PIEZO2: variants seen among roughly 807,000 people sequenced by gnomAD.
PIEZO2 encodes piezo-type mechanosensitive ion channel component 2.
In PIEZO2, 172 loss-of-function variants were observed where a neutral mutation model predicts 337.3. The ratio of observed to expected loss-of-function variants is 0.51; its 90% confidence interval spans 0.45 to 0.58. PIEZO2 has a LOEUF of 0.58. Among genes scored for constraint, PIEZO2 ranks in the 20% least tolerant of loss-of-function variants. The probability of loss-of-function intolerance (pLI) is 0.00; values close to 1 mark genes in which losing one functional copy is unlikely to be tolerated. For synonymous variants in PIEZO2, 1,251 were observed against 1,228.5 expected (o/e 1.02, Z -0.38); for missense variants, 3,028 against 3,391.3 (o/e 0.89, Z 2.66).
intron 14 of PIEZO2, among the ~76,000 whole-genome samples, chr18:10,790,703 C>G (rs1405107489): frequency 8.6e-6 from 1 of 116,664 alleles, no homozygotes; most frequent in East Asian, 2.9e-4. Flanking sequence ...GATCAAATGG[C>G]ACTTTTTTTT....
rs972846144 is a variant in PIEZO2, at chr18:11,035,081, G to A, written c.160+31046C>T. On this transcript the variant is annotated intron_variant, in intron 2 of 55. Coordinates refer to ENST00000674853, the MANE Select transcript of PIEZO2 (RefSeq NM_001378183.1). This position sits in a 1 kb window ranked among gnomAD's most constrained non-coding sequence, Gnocchi z 4.3. ...ATGCATGGCAAGCTCATTCACTTTC[G>A]AAATCAATTTATTACAGAGTGTGTA... Among the ~76,000 whole-genome samples the A allele has an allele frequency of 2.0e-5, 3 of 152,256 alleles. No homozygotes were observed. Among genetic ancestry groups the A allele is most frequent in the Admixed American group, 6.5e-5 (1 of 15,296 alleles).
Position 10,886,378 on chromosome 18 carries a change from GTGTATATATATATATATATATATATATA to G in PIEZO2, c.330-14991_330-14964del, listed in dbSNP as rs2042594121. 1.3e-3 allele frequency among the ~76,000 whole-genome samples: 4 copies of G among 3,180 alleles called. 2 individuals are homozygous for G. The highest frequency in any genetic ancestry group is 0.01 in the Admixed American group (2 of 198). The allele number at this position is 3,180 out of a possible 152,430, so 2.1% of individuals were successfully genotyped here. A position where few individuals can be genotyped will look rare whatever the true frequency, so the allele number is the denominator to read the frequency against. On this transcript the variant is annotated intron_variant, in intron 4 of 55. Coordinates refer to ENST00000674853, the MANE Select transcript of PIEZO2 (RefSeq NM_001378183.1). ...CACACACACATATATATGTGTGTGT[GTGTATATATATATATATATATATATATA>G]TATATATATATATATATGTAATCTC...
intron 3 of PIEZO2, among the ~76,000 whole-genome samples, chr18:10,938,984 G>A (rs1464518581): frequency 6.6e-6 from 1 of 152,124 alleles, no homozygotes; most frequent in African/African-American, 2.4e-5. Flanking sequence ...CTACTCGGGA[G>A]GCTGAGGCAG....
rs945744234 is a variant in PIEZO2, at chr18:10,979,424, A to G, written c.286+111T>C. 1.9e-5 allele frequency: 22 copies of G among 1,184,366 alleles called. No homozygotes were observed. The Admixed American group carries it at 5.9e-4, about 32-fold the overall frequency. The allele number at this position is 1,184,366 out of a possible 1,614,324, so 73.4% of individuals were successfully genotyped here. A position where few individuals can be genotyped will look rare whatever the true frequency, so the allele number is the denominator to read the frequency against. ...AAGACCAAAAATTTCCATGAATTTT[A>G]TAATTTAATTATTGCATAGATTTCT... On this transcript the variant is annotated intron_variant, in intron 3 of 55. Transcript: ENST00000674853. The surrounding 1 kb of genome is among the most constrained non-coding windows in gnomAD (Gnocchi z 4.0).
At chr18:10,734,153 A>G (rs2036900484) in intron 35 of PIEZO2, among the ~76,000 whole-genome samples, 1 of 152,242 alleles carries the variant, frequency 6.6e-6, no homozygotes, top group South Asian at 2.1e-4. Context: ...GGATAATTAC[A>G]TTGTTATATT....
At position 11,068,399 on chromosome 18, in the gene PIEZO2, C is replaced by T. The variant is rs534771578; in HGVS notation, c.65-2177G>A. 1.3e-4 allele frequency among the ~76,000 whole-genome samples: 20 copies of T among 151,916 alleles called. No homozygotes were observed. In the East Asian group the frequency reaches 1.9e-3, roughly 15 times the overall value. On this transcript the variant is annotated intron_variant, in intron 1 of 55. Coordinates refer to ENST00000674853, the MANE Select transcript of PIEZO2 (RefSeq NM_001378183.1). The stretch of plus-strand genomic sequence containing the variant: ...GAATTTCAGAAAATTTGCAAATACA[C>T]GGAAATTAAACAACACGCTCCTAAA...
Position 10,804,010 on chromosome 18 carries a change from A to G in PIEZO2, c.1081-16T>C. ...CATCCTGCACCTGAAACACAGAAAC[A>G]GGATCAGTCTTGCTTCCTGAGGCAG... On this transcript the variant is annotated splice_polypyrimidine_tract_variant and intron_variant, in intron 8 of 55. Coordinates refer to ENST00000674853, the MANE Select transcript of PIEZO2 (RefSeq NM_001378183.1). The G allele has an allele frequency of 6.5e-7, 1 of 1,537,202 alleles. No individual in the cohort carries two copies. The highest frequency in any genetic ancestry group is 1.7e-4 in the Middle Eastern group (1 of 5,914).
In PIEZO2 at chr18:10,767,300, C is replaced by T. The variant is rs755794203; in HGVS notation, c.2946+2848G>A. On this transcript the variant is annotated intron_variant, in intron 21 of 55. Coordinates refer to ENST00000674853, the MANE Select transcript of PIEZO2 (RefSeq NM_001378183.1). This position sits in a 1 kb window ranked among gnomAD's most constrained non-coding sequence, Gnocchi z 4.2. ...TCTTTTCCAGCAACTTCTTCTTTTT[C>T]AGATGCTTCATGATGCTAACTTTGA... Among the ~76,000 whole-genome samples the T allele has an allele frequency of 6.6e-6, 1 of 152,128 alleles. No individual in the cohort carries two copies. The highest frequency in any genetic ancestry group is 2.4e-5 in the African/African-American group (1 of 41,406).
rs943188630 is a variant in PIEZO2, at chr18:10,707,235, G to T, written c.5588+1040C>A. ...ACTACTGGAGCCAACCCCGCACCAG[G>T]TCTCATGGCCAGTAAGACTGTCATC... On this transcript the variant is annotated intron_variant, in intron 40 of 55. Transcript: ENST00000674853. This position sits in a 1 kb window ranked among gnomAD's most constrained non-coding sequence, Gnocchi z 4.2. Among the ~76,000 whole-genome samples, 1 of 152,186 alleles carries T rather than the reference G, an allele frequency of 6.6e-6. No homozygotes were observed. Among genetic ancestry groups the T allele is most frequent in the Non-Finnish European group, 1.5e-5 (1 of 68,026 alleles).
In PIEZO2 at chr18:11,092,482, C is replaced by T. The variant is rs900514055; in HGVS notation, c.65-26260G>A. ...TAATTATCACTCCATAGTTTAGAAA[C>T]GATTTGTATTCCGTGGTTACAGATT... On this transcript the variant is annotated intron_variant, in intron 1 of 55. Coordinates refer to ENST00000674853, the MANE Select transcript of PIEZO2 (RefSeq NM_001378183.1). This position sits in a 1 kb window ranked among gnomAD's most constrained non-coding sequence, Gnocchi z 4.5. Among the ~76,000 whole-genome samples, 1 of 152,052 alleles carries T rather than the reference C, an allele frequency of 6.6e-6. No homozygotes were observed. Among genetic ancestry groups the T allele is most frequent in the African/African-American group, 2.4e-5 (1 of 41,402 alleles).
chr18:11,074,008 G>A lies in PIEZO2; in HGVS notation c.65-7786C>T, dbSNP rs762075603. On this transcript the variant is annotated intron_variant, in intron 1 of 55. Coordinates refer to ENST00000674853, the MANE Select transcript of PIEZO2 (RefSeq NM_001378183.1). The stretch of plus-strand genomic sequence containing the variant: ...ACAACAGGCGCATGCCACCATGCCC[G>A]GCTAATTTTTTGTATTTTTAGTAGA... Among the ~76,000 whole-genome samples, 10 of 151,888 alleles carry A rather than the reference G, an allele frequency of 6.6e-5. No homozygotes were observed. In the East Asian group the frequency reaches 9.7e-4, roughly 15 times the overall value.
At chr18:11,010,036 C>T (rs974914516) in intron 2 of PIEZO2, among the ~76,000 whole-genome samples, 1 of 152,134 alleles carries the variant, frequency 6.6e-6, no homozygotes, top group Non-Finnish European at 1.5e-5. Context: ...TAAATGAATA[C>T]GTACAGGCAA....
chr18:10,803,686 C>T (rs886764472), intron 9 of PIEZO2, among the ~76,000 whole-genome samples, 189 bp downstream of exon 9: 7 of 152,146 alleles, frequency 4.6e-5, no homozygotes, highest in African/African-American at 1.7e-4. Context: ...ATGTTCTTGA[C>T]GGGATCTGGG....
At chr18:11,073,912 T>C (rs1165466807) in intron 1 of PIEZO2, among the ~76,000 whole-genome samples, 1 of 148,364 alleles carries the variant, frequency 6.7e-6, no homozygotes, top group Non-Finnish European at 1.5e-5. Context: ...AGTGGCGCAA[T>C]CTCGGCTCGC....
Position 11,087,921 on chromosome 18 carries a change from T to G in PIEZO2, c.65-21699A>C, listed in dbSNP as rs199519857. On this transcript the variant is annotated intron_variant, in intron 1 of 55. Coordinates refer to ENST00000674853, the MANE Select transcript of PIEZO2 (RefSeq NM_001378183.1). ...AGCCTGCTTGCAGTCCCTGCTGCTT[T>G]TGCTTCATTTCTGTTTCTCTGTTCA... Among the ~76,000 whole-genome samples, 24 of 152,390 alleles carry G rather than the reference T, an allele frequency of 1.6e-4. No homozygotes were observed. The East Asian group carries it at 4.2e-3, about 27-fold the overall frequency.
chr18:10,803,637 A>G (rs923560010), intron 9 of PIEZO2, among the ~76,000 whole-genome samples: 2 of 152,206 alleles, frequency 1.3e-5, no homozygotes, highest in Non-Finnish European at 2.9e-5. Flanking sequence ...TCTTTTTAAG[A>G]TTAGGAGATT....
Position 10,833,144 on chromosome 18 carries a change from C to T in PIEZO2, c.917+22209G>A. Among the ~76,000 whole-genome samples, 1 of 152,100 alleles carries T rather than the reference C, an allele frequency of 6.6e-6. No individual in the cohort carries two copies. The highest frequency in any genetic ancestry group is 1.5e-5 in the Non-Finnish European group (1 of 68,012). ...AGTGTGGCTTTTCCTGGCAGAGAGG[C>T]AGCAACACCCAAGGAACACAGTGGC... On this transcript the variant is annotated intron_variant, in intron 7 of 55. Transcript: ENST00000674853. This position sits in a 1 kb window ranked among gnomAD's most constrained non-coding sequence, Gnocchi z 4.7.
intron 2 of PIEZO2, among the ~76,000 whole-genome samples, chr18:11,034,836 C>A (rs929493747): frequency 1.4e-4 from 21 of 152,142 alleles, no homozygotes; most frequent in African/African-American, 4.8e-4. Context: ...CAGAGCGAGA[C>A]TCCGTCTCAA....
In PIEZO2 at chr18:10,702,146, A is replaced by G; in HGVS notation, c.6284T>C (p.Phe2095Ser). The stretch of plus-strand genomic sequence containing the variant: ...ATTCCAGGGAAAGAACCCAAATTGG[A>G]AGAAATACTTGACTACAATTGCCAC... ...TEVAIVVKYF[F>S]QFGFFPWNKN... Residue 2095 changes from phenylalanine (F) to serine (S), a missense_variant, in exon 43 of 56, where the codon TTC becomes TCC. Physicochemically the swap from Phe to Ser is radical, Grantham distance 155. Coordinates refer to ENST00000674853, the MANE Select transcript of PIEZO2 (RefSeq NM_001378183.1). 6.5e-7 allele frequency: 1 copy of G among 1,536,618 alleles called. No homozygotes were observed. The highest frequency in any genetic ancestry group is 8.7e-7 in the Non-Finnish European group (1 of 1,146,758).
Sources: gnomAD v4.1 joint callset for allele counts (sites outside exome capture counted in the v4.1 genomes callset) on GRCh38, gnomAD v4.1.1 for gene constraint, Gnocchi (gnomAD v3.1) non-coding constraint, MANE v1.5 for transcripts, NCBI Gene and HGNC (gene_info 2026-07-23, HGNC 2026-07-21) for gene names.